SMAP1: variants seen among roughly 807,000 people sequenced by gnomAD.
SMAP1 encodes stromal membrane-associated protein 1.
Under a neutral mutation model 58.5 loss-of-function variants are expected in SMAP1, and 24 were observed. The ratio of observed to expected loss-of-function variants is 0.41; its 90% CI spans 0.30 to 0.58. SMAP1 has a LOEUF of 0.58. Ranked by LOEUF, SMAP1 falls within the 20% of genes least tolerant of loss-of-function variation. SMAP1 has a pLI of 0.29. For missense variants in SMAP1, 563 were observed against 566.3 expected (o/e 0.99, Z 0.06); for synonymous variants, 216 against 196.6 (o/e 1.10, Z -0.82).
chr6:70,851,836 G>C (rs1035236418), intron 7 of SMAP1, among the ~76,000 whole-genome samples: 1 of 152,146 alleles, frequency 6.6e-6, no homozygotes, highest in Non-Finnish European at 1.5e-5. Context: ...GCAGTGGCTT[G>C]GTACAGCCAT....
chr6:70,756,649 T>G (rs1042808762), intron 3 of SMAP1, among the ~76,000 whole-genome samples: 2 of 152,086 alleles, frequency 1.3e-5, no homozygotes, highest in Non-Finnish European at 2.9e-5. Context: ...CCTCATTTCA[T>G]TGGCCCAAGT....
intron 7 of SMAP1, 78 bp from the exon 8 acceptor site, chr6:70,852,462 A>G: frequency 7.7e-7 from 1 of 1,300,010 alleles, no homozygotes; most frequent in Non-Finnish European, 1.0e-6. Flanking sequence ...TTAACCATAT[A>G]TCAATTTTTA....
chr6:70,792,090 A>C (rs1433088061), intron 5 of SMAP1, among the ~76,000 whole-genome samples: 1 of 152,102 alleles, frequency 6.6e-6, no homozygotes, highest in African/African-American at 2.4e-5. Flanking sequence ...TCTTTCTATG[A>C]TTCTGTTGTT....
intron 1 of SMAP1, among the ~76,000 whole-genome samples, chr6:70,720,323 G>T (rs767394987): frequency 6.6e-6 from 1 of 152,198 alleles, no homozygotes; most frequent in African/African-American, 2.4e-5. Context: ...GGGTTCCCAT[G>T]GTCTTGGGCG....
At chr6:70,820,409 T>C (rs1257320517) in intron 6 of SMAP1, among the ~76,000 whole-genome samples, 1 of 152,156 alleles carries the variant, frequency 6.6e-6, no homozygotes, top group Non-Finnish European at 1.5e-5. Flanking sequence ...TAGAGAAATA[T>C]TATGAAAACT....
At chr6:70,801,996 G>C (rs778803162) in intron 6 of SMAP1, among the ~76,000 whole-genome samples, 3 of 152,234 alleles carry the variant, frequency 2.0e-5, no homozygotes, top group African/African-American at 4.8e-5. Flanking sequence ...TTGGCAATGC[G>C]GGCTCTTTTT....
At chr6:70,722,665 C>G (rs1768581804) in intron 1 of SMAP1, among the ~76,000 whole-genome samples, 2 of 152,232 alleles carry the variant, frequency 1.3e-5, no homozygotes, top group African/African-American at 4.8e-5. Flanking sequence ...CAGTGATAAC[C>G]ATTGTTTCTA....
At chr6:70,757,698 AAG>A (rs1298089294) in intron 3 of SMAP1, among the ~76,000 whole-genome samples, 77 of 152,320 alleles carry the variant, frequency 5.1e-4, no homozygotes, top group African/African-American at 1.6e-3. Context: ...CCCCATCAAA[AAG>A]TGGGCGAAGG....
chr6:70,758,983 G>A (rs1418923953), intron 3 of SMAP1, among the ~76,000 whole-genome samples: 1 of 152,100 alleles, frequency 6.6e-6, no homozygotes, highest in East Asian at 1.9e-4. Flanking sequence ...CTGGAAACAT[G>A]AGTCTGGACC....
At chr6:70,813,823 A>G (rs571976819) in intron 6 of SMAP1, among the ~76,000 whole-genome samples, 2 of 152,316 alleles carry the variant, frequency 1.3e-5, no homozygotes, top group South Asian at 4.1e-4. Flanking sequence ...GTTTTATGCT[A>G]TGTTGCACAA....
intron 1 of SMAP1, among the ~76,000 whole-genome samples, chr6:70,670,087 C>G (rs866007965): frequency 1.3e-5 from 2 of 151,890 alleles, no homozygotes; most frequent in African/African-American, 4.8e-5. Flanking sequence ...TGTATTGCCA[C>G]GGAAATCAGT....
chr6:70,803,192 T>G (rs1450313399), intron 6 of SMAP1, among the ~76,000 whole-genome samples: 2 of 152,192 alleles, frequency 1.3e-5, no homozygotes, highest in Admixed American at 1.3e-4. Context: ...CTGTTATTGG[T>G]CTATTCAGAG....
chr6:70,711,920 T>G (rs1482829752), intron 1 of SMAP1, among the ~76,000 whole-genome samples: 4 of 152,196 alleles, frequency 2.6e-5, no homozygotes, highest in African/African-American at 9.7e-5. Context: ...TGGATGCTGT[T>G]TATGTCTTTT....
At chr6:70,730,950 C>G (rs1034093245) in intron 1 of SMAP1, among the ~76,000 whole-genome samples, 2 of 152,164 alleles carry the variant, frequency 1.3e-5, no homozygotes, top group Non-Finnish European at 2.9e-5. Context: ...CAGGCACCTG[C>G]CACCATGCCT....
At chr6:70,749,090 C>G (rs570614523) in intron 2 of SMAP1, among the ~76,000 whole-genome samples, 1 of 152,118 alleles carries the variant, frequency 6.6e-6, no homozygotes, top group Non-Finnish European at 1.5e-5. Flanking sequence ...TTAATTGACT[C>G]GGTTCCTCAT....
intron 3 of SMAP1, among the ~76,000 whole-genome samples, chr6:70,758,804 C>A (rs1468393021): frequency 3.9e-5 from 6 of 151,966 alleles, no homozygotes; most frequent in Non-Finnish European, 8.8e-5. Context: ...CTAAAATAAC[C>A]CTGAAATTTC....
rs537371214 is a variant in SMAP1, at chr6:70,845,605, T to A, written c.665-6935T>A. ...ACATCACCTTTAGAGTGAATAACAGTTGGAAAAGATAAGCAAATGCCCAGA... is the reference window on the plus strand; with the variant it reads ...ACATCACCTTTAGAGTGAATAACAGATGGAAAAGATAAGCAAATGCCCAGA... On this transcript the variant is annotated intron_variant, in intron 7 of 10. Transcript: ENST00000370455. 2.6e-5 allele frequency among the ~76,000 whole-genome samples: 4 copies of A among 152,284 alleles called. No homozygotes were observed. The South Asian group carries it at 8.3e-4, about 32-fold the overall frequency.
chr6:70,795,328 G>A (rs1384471274), intron 5 of SMAP1, among the ~76,000 whole-genome samples: 1 of 152,142 alleles, frequency 6.6e-6, no homozygotes, highest in South Asian at 2.1e-4. Context: ...GTCTTCACCT[G>A]TGCTGGCTAC....
intron 6 of SMAP1, among the ~76,000 whole-genome samples, chr6:70,835,507 T>C (rs1009300721): frequency 6.6e-6 from 1 of 152,152 alleles, no homozygotes; most frequent in Non-Finnish European, 1.5e-5. Context: ...TATTTATTTA[T>C]TTCATTTTGT....
Sources: allele counts gnomAD v4.1 joint callset (sites outside exome capture counted in the v4.1 genomes callset), GRCh38; gene constraint gnomAD v4.1.1; transcripts MANE v1.5; gene names NCBI Gene and HGNC (gene_info 2026-07-23, HGNC 2026-07-21).